The following PPP1R3A variants were observed in gnomAD, a reference collection of about 807,000 sequenced individuals.
The protein encoded by PPP1R3A is protein phosphatase 1 regulatory subunit 3A, also known as RG1.
In PPP1R3A, 29 loss-of-function variants were observed where a neutral mutation model predicts 41.7. The observed-to-expected ratio is 0.70, with a 90% CI of 0.52 to 0.95. The LOEUF (loss-of-function observed/expected upper bound fraction) is 0.95. Among genes scored for constraint, PPP1R3A ranks in the 40% least tolerant of loss-of-function variants. The pLI, the probability that PPP1R3A is intolerant of heterozygous loss-of-function variation, is 0.00. For missense variants in PPP1R3A, 1,352 were observed against 1,292.4 expected, an observed-to-expected ratio of 1.05 and a Z score of -0.71; for synonymous variants, 485 against 453.4, an observed-to-expected ratio of 1.07 and a Z score of -0.89.
chr7:113,883,484 T>A (rs1245955543), intron 1 of PPP1R3A, among the ~76,000 whole-genome samples: 1 of 151,968 alleles, frequency 6.6e-6, no homozygotes, highest in Non-Finnish European at 1.5e-5. Flanking sequence ...AATTTTAACT[T>A]TACTAAAAAC....
At chr7:113,888,837 G>A (rs1477787688) in intron 1 of PPP1R3A, among the ~76,000 whole-genome samples, 1 of 152,114 alleles carries the variant, frequency 6.6e-6, no homozygotes, top group East Asian at 1.9e-4. Flanking sequence ...CCTTTAGAAG[G>A]CCCCCTGGGG....
At chr7:113,900,162 T>C (rs973962050) in intron 1 of PPP1R3A, among the ~76,000 whole-genome samples, 13 of 151,754 alleles carry the variant, frequency 8.6e-5, no homozygotes, top group African/African-American at 3.1e-4. Flanking sequence ...AAATTGATCA[T>C]GTTTACGAAG....
Position 113,918,545 on chromosome 7 carries a change from A to C in PPP1R3A, c.452T>G (p.Val151Gly). 1 of 1,612,926 alleles carries C rather than the reference A, an allele frequency of 6.2e-7. No individual in the cohort carries two copies. Among genetic ancestry groups the C allele is most frequent in the Non-Finnish European group, 8.5e-7 (1 of 1,179,292 alleles). Reference sequence around the variant, plus strand: ...TACATATACTAACTTCTCAAAAGAAACATTCAAAACTCGAATAATACCCTT... The same window carrying C: ...TACATATACTAACTTCTCAAAAGAACCATTCAAAACTCGAATAATACCCTT... ...SIKGIIRVLN[V>G]SFEKLVYVRM... The change falls in exon 1 of 4, where the codon GTT (valine) becomes GGT (glycine). Residue 151 changes from valine (V) to glycine (G), a missense_variant. Val to Gly is a moderately radical substitution (Grantham distance 109, BLOSUM62 -3). Transcript: ENST00000284601.
chr7:113,886,773 G>T (rs1796791397), intron 1 of PPP1R3A, among the ~76,000 whole-genome samples: 1 of 152,122 alleles, frequency 6.6e-6, no homozygotes, highest in Non-Finnish European at 1.5e-5. Flanking sequence ...TGACCAATTA[G>T]ATCTAAAGAG....
At chr7:113,896,964 A>G (rs746793405) in intron 1 of PPP1R3A, among the ~76,000 whole-genome samples, 1 of 151,950 alleles carries the variant, frequency 6.6e-6, no homozygotes, top group South Asian at 2.1e-4. Flanking sequence ...AATTAGCTAC[A>G]GAATCCATGG....
intron 1 of PPP1R3A, among the ~76,000 whole-genome samples, chr7:113,882,872 AAAAACTG>A (rs1446820491): frequency 6.6e-6 from 1 of 152,038 alleles, no homozygotes; most frequent in Non-Finnish European, 1.5e-5. Flanking sequence ...AAGCTAACTA[AAAAACTG>A]AAAGGCAGCT....
chr7:113,893,436 T>C (rs995482377), intron 1 of PPP1R3A, among the ~76,000 whole-genome samples: 2 of 151,978 alleles, frequency 1.3e-5, no homozygotes, highest in Admixed American at 6.6e-5. Context: ...GAGCTAGTCT[T>C]ATATTATTTC....
chr7:113,893,728 G>A (rs1796930653), intron 1 of PPP1R3A, among the ~76,000 whole-genome samples: 1 of 99,422 alleles, frequency 1.0e-5, no homozygotes. Context: ...CTTCATCTTT[G>A]CATAAAACTG....
chr7:113,914,113 T>C (rs142382272), intron 1 of PPP1R3A, among the ~76,000 whole-genome samples: 5 of 152,260 alleles, frequency 3.3e-5, no homozygotes, highest in Admixed American at 6.5e-5. Context: ...TGAACAAGAT[T>C]TGATAATAAA....
chr7:113,878,855 G>C lies in PPP1R3A; in HGVS notation c.2237C>G (p.Ala746Gly). ...TSESTPESMS[A>G]REKAIIAKLP... ...CTTAGCAATTATTGCTTTTTCTCTA[G>C]CAGACATGCTTTCTGGAGTACTTTC... Residue 746 changes from alanine to glycine, a missense_variant, in exon 4 of 4, where the codon GCT (alanine) becomes GGT (glycine). By Grantham distance (60) the Ala-to-Gly change is moderately conservative. Transcript: ENST00000284601. 6.2e-7 allele frequency: 1 copy of C among 1,613,044 alleles called. No homozygotes were observed. The highest frequency in any genetic ancestry group is 8.5e-7 in the Non-Finnish European group (1 of 1,179,738).
chr7:113,877,850 A>C lies in PPP1R3A; in HGVS notation c.3242T>G (p.Leu1081Trp). The C allele has an allele frequency of 1.2e-6, 2 of 1,610,682 alleles. No homozygotes were observed. Among genetic ancestry groups the C allele is most frequent in the Non-Finnish European group, 1.7e-6 (2 of 1,177,312 alleles). The change falls in exon 4 of 4, where the codon TTG becomes TGG. Residue 1081 changes from leucine to tryptophan, a missense_variant. Physicochemically the swap from Leu to Trp is moderately conservative, Grantham distance 61. Transcript: ENST00000284601. ...GACAGTTATAAGAAATATCAGAAAC[A>C]AAAGGAAATAAGGTATTTTAGAGTT... ...YTNSKIPYFL[L>W]FLIFLITVYH...
At chr7:113,917,207 T>TAC (rs1797356310) in intron 1 of PPP1R3A, among the ~76,000 whole-genome samples, 1 of 152,020 alleles carries the variant, frequency 6.6e-6, no homozygotes, top group Non-Finnish European at 1.5e-5. Flanking sequence ...TTTCCTACAT[T>TAC]ACACTATTTC....
At chr7:113,910,102 T>C (rs1041416003) in intron 1 of PPP1R3A, among the ~76,000 whole-genome samples, 1 of 151,884 alleles carries the variant, frequency 6.6e-6, no homozygotes, top group Non-Finnish European at 1.5e-5. Flanking sequence ...TATAAAACCA[T>C]CAGATCTCAC....
At chr7:113,891,945 A>C (rs1796898280) in intron 1 of PPP1R3A, among the ~76,000 whole-genome samples, 1 of 151,994 alleles carries the variant, frequency 6.6e-6, no homozygotes, top group Non-Finnish European at 1.5e-5. Flanking sequence ...GCAAAGTCTA[A>C]CTCTGCTCTA....
At chr7:113,907,988 C>A in intron 1 of PPP1R3A, among the ~76,000 whole-genome samples, 1 of 151,720 alleles carries the variant, frequency 6.6e-6, no homozygotes, top group East Asian at 1.9e-4. Context: ...AGAATTAGCT[C>A]TTTCATGGGA....
rs982943898 is a variant in PPP1R3A, at chr7:113,893,555, A to T, written c.783-11235T>A. ...ATCTATAATTGATTAAGAAAAATAC[A>T]TCGAATATACCTATTATATAAGCTA... On this transcript the variant is annotated intron_variant, in intron 1 of 3. Transcript: ENST00000284601. 3.9e-5 allele frequency among the ~76,000 whole-genome samples: 6 copies of T among 152,040 alleles called. 1 individual carries two copies. The highest frequency in any genetic ancestry group is 3.9e-4 in the Admixed American group (6 of 15,224).
Position 113,879,003 on chromosome 7 carries a change from C to T in PPP1R3A, c.2089G>A (p.Ala697Thr), listed in dbSNP as rs1245499353. 2.5e-6 allele frequency: 4 copies of T among 1,613,514 alleles called. No individual in the cohort carries two copies. The South Asian group carries it at 3.3e-5, about 13-fold the overall frequency. Residue 697 changes from alanine (A) to threonine (T), a missense_variant, in exon 4 of 4, where the codon GCT becomes ACT. Transcript: ENST00000284601. ...CAGGTAAACAATTCTTCTGTAGTAG[C>T]TTTCAAACTCCTCGTATTATCTCTT... Reference protein sequence around the residue: ...GKRDNTRSLKATTEELFTCQE... With the variant: ...GKRDNTRSLKTTTEELFTCQE...
At chr7:113,904,687 G>GA (rs10708700) in intron 1 of PPP1R3A, among the ~76,000 whole-genome samples, 5,730 of 150,226 alleles carry the variant, frequency 0.038, 255 homozygotes, top group African/African-American at 0.1. Context: ...GAAATACAAA[G>GA]AAAAAAAAAT....
chr7:113,914,955 T>C (rs1233230226), intron 1 of PPP1R3A, among the ~76,000 whole-genome samples: 3 of 152,150 alleles, frequency 2.0e-5, no homozygotes, highest in Admixed American at 6.6e-5. Context: ...ATGTGATTTA[T>C]ATCAATGTCA....
Sources: gnomAD v4.1 joint callset for allele counts (sites outside exome capture counted in the v4.1 genomes callset) on GRCh38, gnomAD v4.1.1 for gene constraint, MANE v1.5 for transcripts, NCBI Gene and HGNC (gene_info 2026-07-23, HGNC 2026-07-21) for gene names.